PTCH1: variants seen among roughly 807,000 people sequenced by gnomAD.
PTCH1 encodes protein patched homolog 1.
In PTCH1, 14 loss-of-function variants were observed where a neutral mutation model predicts 144.6. That is an observed-to-expected ratio of 0.10 (90% CI 0.06 to 0.15). PTCH1 has a LOEUF of 0.15. Ranked by LOEUF, PTCH1 falls within the 10% of genes least tolerant of loss-of-function variation. The probability of loss-of-function intolerance (pLI) is 1.00; values close to 1 mark genes in which losing one functional copy is unlikely to be tolerated. For synonymous variants in PTCH1, 833 were observed against 793.6 expected, an observed-to-expected ratio of 1.05 and a Z score of -0.83; for missense variants, 1,623 against 1,948.3, an observed-to-expected ratio of 0.83 and a Z score of 3.14.
chr9:95,501,371 T>A (rs776032645), intron 2 of PTCH1, among the ~76,000 whole-genome samples: 2 of 151,934 alleles, frequency 1.3e-5, no homozygotes, highest in Non-Finnish European at 2.9e-5. Context: ...AGTCCTGAGG[T>A]TGAGGGACCT....
intron 2 of PTCH1, among the ~76,000 whole-genome samples, chr9:95,486,318 TCTC>T (rs1172609324): frequency 1.3e-5 from 2 of 152,252 alleles, no homozygotes; most frequent in East Asian, 3.8e-4. Flanking sequence ...AGGAAATGTT[TCTC>T]CTCTGTGGAA....
At position 95,508,711 on chromosome 9, in the gene PTCH1, T is replaced by G; in HGVS notation, c.-350A>C. The stretch of plus-strand genomic sequence containing the variant: ...CGAGCGAGCCTGTCCTTCGGGCGCT[T>G]CCGCGGCACTCCTTGCGGTCCCCAA... On this transcript the variant is annotated 5_prime_UTR_variant, in exon 1 of 24. Transcript: ENST00000331920. The G allele has an allele frequency of 1.0e-6, 1 of 986,248 alleles. No individual in the cohort carries two copies. The highest frequency in any genetic ancestry group is 4.7e-5 in the South Asian group (1 of 21,282). 61.1% of individuals were successfully genotyped at this position (986,248 alleles called of 1,614,324 possible). A position where few individuals can be genotyped will look rare whatever the true frequency, so the allele number is the denominator to read the frequency against.
chr9:95,488,384 T>C (rs886344649), intron 2 of PTCH1, among the ~76,000 whole-genome samples: 2 of 152,218 alleles, frequency 1.3e-5, no homozygotes, highest in African/African-American at 4.8e-5. Flanking sequence ...CAACTAGAGT[T>C]GAGACTCTGA....
intron 7 of PTCH1, 155 bp downstream of exon 7, chr9:95,479,814 G>A: frequency 8.1e-7 from 1 of 1,231,916 alleles, no homozygotes; most frequent in Non-Finnish European, 1.2e-6. Context: ...GTTGCAGTCT[G>A]CTACTATTTC....
At position 95,508,891 on chromosome 9, in the gene PTCH1, CG is replaced by C. The variant is rs1843977549; in HGVS notation, c.-531del. On this transcript the variant is annotated 5_prime_UTR_variant, in exon 1 of 24. An upstream open reading frame in the 5' UTR loses its in-frame stop. Coordinates refer to ENST00000331920, the MANE Select transcript of PTCH1 (RefSeq NM_000264.5). ...GGCAAGCGCAGAGCCGCCGCCGCCGCGGGGTCCGAGGGTGCCCGGCGGGTCT... is the reference window on the plus strand; with the variant it reads ...GGCAAGCGCAGAGCCGCCGCCGCCGCGGGTCCGAGGGTGCCCGGCGGGTCT... 1.1e-6 allele frequency: 1 copy of C among 935,390 alleles called. No homozygotes were observed. The highest frequency in any genetic ancestry group is 6.2e-5 in the Admixed American group (1 of 16,110). The allele number at this position is 935,390 out of a possible 1,614,324, so 57.9% of individuals were successfully genotyped here.
In PTCH1 at chr9:95,467,249, T is replaced by C. The variant is rs1276372921; in HGVS notation, c.2427A>G (p.Lys809=). The C allele has an allele frequency of 1.9e-6, 3 of 1,614,222 alleles. No homozygotes were observed. In the South Asian group the frequency reaches 3.3e-5, roughly 18 times the overall value. The change falls in exon 15 of 24, where the codon AAA becomes AAG. Residue 809 remains lysine, a synonymous_variant. Coordinates refer to ENST00000331920, the MANE Select transcript of PTCH1 (RefSeq NM_000264.5). ...SFYNMYIVTQ[K]ADYPNIQHLL... ...AGTGCTGGATATTCGGGTAGTCTGC[T>C]TTCTGGGTGACTATATACATGTTGT...
At chr9:95,467,458 G>C in intron 14 of PTCH1, 33 bp from the exon 15 acceptor site, 4 of 1,605,388 alleles carry the variant, frequency 2.5e-6, no homozygotes, top group Non-Finnish European at 3.4e-6. Flanking sequence ...TCAGACCCCA[G>C]GGAGCACCAC....
At chr9:95,505,853 C>A (rs1843542724) in intron 2 of PTCH1, among the ~76,000 whole-genome samples, 1 of 149,654 alleles carries the variant, frequency 6.7e-6, no homozygotes, top group Admixed American at 6.6e-5. Context: ...GGACCACACA[C>A]GCCGCCGCCT....
At position 95,447,075 on chromosome 9, in the gene PTCH1, C is replaced by T. The variant is rs748812637; in HGVS notation, c.4181G>A (p.Arg1394Gln). The T allele has an allele frequency of 2.7e-5, 44 of 1,613,848 alleles. No homozygotes were observed. The highest frequency in any genetic ancestry group is 6.6e-5 in the South Asian group (6 of 91,084). Residue 1394 changes from arginine (R) to glutamine (Q), a missense_variant, in exon 23 of 24, where the codon CGA becomes CAA. By Grantham distance (43) the Arg-to-Gln change is conservative. Around this residue, in one of 7 missense-constraint regions of PTCH1, gnomAD observed 291 missense variants for 287.4 expected, o/e 1.01. Coordinates refer to ENST00000331920, the MANE Select transcript of PTCH1 (RefSeq NM_000264.5). Reference sequence around the variant, plus strand: ...AGGGTAGCCTGGGCAGAGTCCCCCTCGGGGGTTCCGCCCAGGCCCAGGGAC... The same window carrying T: ...AGGGTAGCCTGGGCAGAGTCCCCCTTGGGGGTTCCGCCCAGGCCCAGGGAC... ...PPVPGPGRNPRGGLCPGYPET... is the reference protein window; with the variant it reads ...PPVPGPGRNPQGGLCPGYPET...
intron 2 of PTCH1, chr9:95,503,494 G>A (rs1263251606): frequency 1.3e-5 from 2 of 152,146 alleles, no homozygotes; most frequent in African/African-American, 2.4e-5. Context: ...CTCTCTAGTT[G>A]GGTCTATCTG....
exon 1 of PTCH1, chr9:95,516,954 G>T: frequency 2.9e-6 from 2 of 687,936 alleles, no homozygotes; most frequent in Non-Finnish European, 4.5e-6. Flanking sequence ...TATCAGCACA[G>T]CCCTCCTGGG....
chr9:95,510,481 C>T (rs1415087510), upstream of PTCH1, among the ~76,000 whole-genome samples: 1 of 152,070 alleles, frequency 6.6e-6, no homozygotes, highest in African/African-American at 2.4e-5. Context: ...GAGCCAGACA[C>T]GTCTACACAA....
At chr9:95,448,912 C>T (rs1053500509) in intron 22 of PTCH1, among the ~76,000 whole-genome samples, 157 bp downstream of exon 22, 2 of 152,208 alleles carry the variant, frequency 1.3e-5, no homozygotes, top group African/African-American at 2.4e-5. Flanking sequence ...GAGTTAAATA[C>T]TGGTTATTTC....
chr9:95,491,447 T>C (rs993989748), intron 2 of PTCH1, among the ~76,000 whole-genome samples: 1 of 152,188 alleles, frequency 6.6e-6, no homozygotes, highest in Admixed American at 6.5e-5. Flanking sequence ...TGACAATGTG[T>C]GTGAAATTTC....
intron 12 of PTCH1, among the ~76,000 whole-genome samples, 174 bp from the exon 13 acceptor site, chr9:95,470,105 G>A (rs1259468933): frequency 1.3e-5 from 2 of 152,174 alleles, no homozygotes; most frequent in African/African-American, 4.8e-5. Context: ...GAGCCTATTT[G>A]ATAGGAATAG....
In PTCH1 at chr9:95,444,484, C is replaced by G. The variant is rs945473031; in HGVS notation, c.*1909G>C. ...GCAGGGGGGTGGCCAGGGTCCCCAG[C>G]AGAGACACACACACACGCACGCACG... On this transcript the variant is annotated 3_prime_UTR_variant, in exon 24 of 24. Coordinates refer to ENST00000331920, the MANE Select transcript of PTCH1 (RefSeq NM_000264.5). The G allele has an allele frequency of 6.6e-6, 1 of 150,938 alleles. No homozygotes were observed. Among genetic ancestry groups the G allele is most frequent in the Non-Finnish European group, 1.4e-5 (1 of 69,286 alleles). 9.3% of individuals were successfully genotyped at this position (150,938 alleles called of 1,614,324 possible). A position where few individuals can be genotyped will look rare whatever the true frequency, so the allele number is the denominator to read the frequency against.
intron 2 of PTCH1, among the ~76,000 whole-genome samples, chr9:95,502,435 AT>A (rs1843210944): frequency 6.6e-6 from 1 of 152,190 alleles, no homozygotes; most frequent in Non-Finnish European, 1.5e-5. Context: ...GAACGCTTCT[AT>A]TTTTATACAA....
intron 12 of PTCH1, among the ~76,000 whole-genome samples, chr9:95,470,703 G>A (rs751869420): frequency 1.3e-5 from 2 of 152,122 alleles, no homozygotes; most frequent in African/African-American, 2.4e-5. Context: ...AGCTCGGAAG[G>A]GCACGGCAGA....
At chr9:95,499,384 G>A (rs1587672148) in intron 2 of PTCH1, among the ~76,000 whole-genome samples, 1 of 150,416 alleles carries the variant, frequency 6.6e-6, no homozygotes. Context: ...CTCCTCTTAG[G>A]TTGTGATTAG....
Sources: gnomAD v4.1 joint callset for allele counts (sites outside exome capture counted in the v4.1 genomes callset) on GRCh38, gnomAD v4.1.1 for gene constraint, gnomAD v4.1.1 regional missense constraint, MANE v1.5 for transcripts, NCBI Gene and HGNC (gene_info 2026-07-23, HGNC 2026-07-21) for gene names.